Variants in ALDH1A2 observed in about 807,000 individuals in gnomAD.
The protein encoded by ALDH1A2 is aldehyde dehydrogenase 1 family member A2.
Under a neutral mutation model 60.3 loss-of-function variants are expected in ALDH1A2, and 27 were observed. The ratio of observed to expected loss-of-function variants is 0.45; its 90% CI spans 0.33 to 0.62. The LOEUF is 0.62. Ranked by LOEUF, ALDH1A2 falls within the 20% of genes least tolerant of loss-of-function variation. The pLI is 0.02. For missense variants in ALDH1A2, 581 were observed against 643.8 expected (o/e 0.90, Z 1.06); for synonymous variants, 289 against 232.4 (o/e 1.24, Z -2.21).
intron 1 of ALDH1A2, among the ~76,000 whole-genome samples, chr15:58,024,392 G>T (rs1443921013): frequency 2.0e-5 from 3 of 152,002 alleles, no homozygotes; most frequent in African/African-American, 7.3e-5. Context: ...AGTGAAAAAA[G>T]ATATTCCACT....
chr15:57,957,338 C>T (rs530556574), intron 12 of ALDH1A2, among the ~76,000 whole-genome samples: 2 of 152,120 alleles, frequency 1.3e-5, no homozygotes, highest in African/African-American at 2.4e-5. Flanking sequence ...CTACCCCCAC[C>T]CCACAAAGAT....
At chr15:58,032,616 T>G (rs1450009620) in intron 1 of ALDH1A2, among the ~76,000 whole-genome samples, 6 of 152,088 alleles carry the variant, frequency 3.9e-5, no homozygotes, top group African/African-American at 1.4e-4. Flanking sequence ...AAACAGTGTA[T>G]GTGGATTTCT....
intron 1 of ALDH1A2, among the ~76,000 whole-genome samples, chr15:58,025,257 G>A (rs558502479): frequency 1.3e-5 from 2 of 152,192 alleles, no homozygotes. Flanking sequence ...CTGGTTCTTT[G>A]AAGAGATAAA....
intron 4 of ALDH1A2, among the ~76,000 whole-genome samples, chr15:58,006,339 A>C (rs1185242129): frequency 6.6e-6 from 1 of 152,040 alleles, no homozygotes; most frequent in Non-Finnish European, 1.5e-5. Context: ...TGCAAAGACC[A>C]TTATTTCATT....
At chr15:57,980,161 G>T in intron 7 of ALDH1A2, 1 of 287,936 alleles carries the variant, frequency 3.5e-6, no homozygotes, top group East Asian at 1.1e-4. Flanking sequence ...TGACGCACTG[G>T]CCAGCCTTCA....
chr15:57,970,324 G>C (rs1342645775), intron 7 of ALDH1A2, among the ~76,000 whole-genome samples: 1 of 152,154 alleles, frequency 6.6e-6, no homozygotes, highest in Non-Finnish European at 1.5e-5. Flanking sequence ...CCCCAAACAT[G>C]CAAGGGCAGT....
chr15:57,974,218 G>A (rs1344157541), intron 7 of ALDH1A2, among the ~76,000 whole-genome samples: 4 of 151,986 alleles, frequency 2.6e-5, no homozygotes, highest in South Asian at 2.1e-4. Flanking sequence ...TGGATCACGT[G>A]GTCAGGAGAT....
chr15:58,056,730 A>C (rs1896904170), intron 1 of ALDH1A2, among the ~76,000 whole-genome samples: 1 of 152,182 alleles, frequency 6.6e-6, no homozygotes, highest in South Asian at 2.1e-4. Context: ...TAGAAAAATG[A>C]GCAAATGATA....
Position 57,975,955 on chromosome 15 carries a change from T to C in ALDH1A2, c.799-10128A>G, listed in dbSNP as rs116097631. Among the ~76,000 whole-genome samples, 762 of 152,276 alleles carry C rather than the reference T, an allele frequency of 5.0e-3. 12 individuals carry two copies. Among genetic ancestry groups the C allele is most frequent in the African/African-American group, 0.017 (727 of 41,550 alleles). The stretch of plus-strand genomic sequence containing the variant: ...ATACACATGGCCAAGACTTATCAAA[T>C]TGTACACTTTAAATAAGTGAAATCT... On this transcript the variant is annotated intron_variant, in intron 7 of 12. Transcript: ENST00000249750.
chr15:58,024,954 A>G (rs886336536), intron 1 of ALDH1A2, among the ~76,000 whole-genome samples: 7 of 152,184 alleles, frequency 4.6e-5, no homozygotes, highest in Non-Finnish European at 8.8e-5. Flanking sequence ...GTCAACAAAT[A>G]AAAATAGAAA....
At chr15:57,992,454 C>T (rs183262935) in intron 7 of ALDH1A2, among the ~76,000 whole-genome samples, 148 of 152,260 alleles carry the variant, frequency 9.7e-4, no homozygotes, top group African/African-American at 3.0e-3. Context: ...TGTCTAGAAC[C>T]CCACCTTCTG....
chr15:58,038,309 A>G (rs1896427356), intron 1 of ALDH1A2, among the ~76,000 whole-genome samples: 1 of 151,706 alleles, frequency 6.6e-6, no homozygotes, highest in African/African-American at 2.4e-5. Flanking sequence ...AGATGATCCA[A>G]GGAGTCAAAT....
At chr15:57,979,387 G>A (rs1371494222) in intron 7 of ALDH1A2, among the ~76,000 whole-genome samples, 1 of 152,172 alleles carries the variant, frequency 6.6e-6, no homozygotes, top group East Asian at 1.9e-4. Context: ...CAAGGCAACT[G>A]GAAACCTCCG....
intron 2 of ALDH1A2, 55 bp from the exon 3 acceptor site, chr15:58,014,053 C>G: frequency 6.2e-7 from 1 of 1,614,024 alleles, no homozygotes; most frequent in Non-Finnish European, 8.5e-7. Context: ...AAAGGAAGAA[C>G]CATCCACTGT....
At chr15:58,043,259 G>C (rs1387633116) in intron 1 of ALDH1A2, among the ~76,000 whole-genome samples, 1 of 151,894 alleles carries the variant, frequency 6.6e-6, no homozygotes, top group Non-Finnish European at 1.5e-5. Context: ...AGACTTTTCT[G>C]AATACTTTTC....
chr15:58,016,591 C>G (rs1895795839), intron 1 of ALDH1A2, among the ~76,000 whole-genome samples: 1 of 152,146 alleles, frequency 6.6e-6, no homozygotes, highest in Non-Finnish European at 1.5e-5. Context: ...ATCACTTAGT[C>G]TATTGATCAT....
At position 57,998,414 on chromosome 15, in the gene ALDH1A2, A is replaced by G. The variant is rs147338759; in HGVS notation, c.494-3275T>C. On this transcript the variant is annotated intron_variant, in intron 4 of 12. Transcript: ENST00000249750. ...CATTCCTATACACCAACAATAGACA[A>G]GCAGAGAGCTAAATCATGAATAAAC... Among the ~76,000 whole-genome samples the G allele has an allele frequency of 5.0e-3, 765 of 152,186 alleles. 9 individuals carry two copies. The highest frequency in any genetic ancestry group is 0.018 in the African/African-American group (731 of 41,540).
At chr15:57,997,766 G>A (rs1396068883) in intron 4 of ALDH1A2, among the ~76,000 whole-genome samples, 1 of 151,960 alleles carries the variant, frequency 6.6e-6, no homozygotes, top group Non-Finnish European at 1.5e-5. Context: ...TGTGTCTCAA[G>A]AGAAACTGAG....
chr15:58,047,013 C>A (rs556458862), intron 1 of ALDH1A2, among the ~76,000 whole-genome samples: 3 of 152,114 alleles, frequency 2.0e-5, no homozygotes, highest in African/African-American at 7.2e-5. Flanking sequence ...ACTTTTGCAA[C>A]AGGAAAACAA....
Sources: gnomAD v4.1 joint callset for allele counts (sites outside exome capture counted in the v4.1 genomes callset) on GRCh38, gnomAD v4.1.1 for gene constraint, MANE v1.5 for transcripts, NCBI Gene and HGNC (gene_info 2026-07-23, HGNC 2026-07-21) for gene names.